The following WDR7 variants were observed in gnomAD, a reference collection of about 807,000 sequenced individuals.
The protein encoded by WDR7 is WD repeat domain 7, also known as WD repeat-containing protein 7.
WDR7 carries 46 observed loss-of-function variants against 169.4 expected under a neutral mutation model. The observed-to-expected ratio is 0.27, with a 90% CI of 0.21 to 0.35. The LOEUF (loss-of-function observed/expected upper bound fraction) is 0.35. Ranked by LOEUF, WDR7 falls within the 10% of genes least tolerant of loss-of-function variation. The pLI is 1.00. For synonymous variants in WDR7, 612 were observed against 666.8 expected (o/e 0.92, Z 1.27); for missense variants, 1,534 against 1,859.3 (o/e 0.83, Z 3.22).
At chr18:56,874,578 TAATC>T (rs1026153928) in intron 20 of WDR7, among the ~76,000 whole-genome samples, 1 of 152,130 alleles carries the variant, frequency 6.6e-6, no homozygotes, top group African/African-American at 2.4e-5. Context: ...GCATCATTAT[TAATC>T]AACCTGCATG....
chr18:56,718,261 T>C, intron 13 of WDR7, 102 bp downstream of exon 13: 1 of 1,220,718 alleles, frequency 8.2e-7, no homozygotes, highest in Non-Finnish European at 1.1e-6. Flanking sequence ...GCTTGAAATG[T>C]AAAATAGTTG....
At chr18:57,002,997 TAA>T (rs1297449549) in intron 26 of WDR7, among the ~76,000 whole-genome samples, 1 of 152,190 alleles carries the variant, frequency 6.6e-6, no homozygotes, top group Non-Finnish European at 1.5e-5. Flanking sequence ...TGCCTGACTT[TAA>T]AAAATCAGTT....
chr18:56,822,383 T>C (rs7234348), intron 20 of WDR7, among the ~76,000 whole-genome samples: 23,357 of 152,164 alleles, frequency 0.15, 2,576 homozygotes, highest in African/African-American at 0.32. Context: ...CTGAAAAAGA[T>C]GTCTAGTCTG....
intron 14 of WDR7, among the ~76,000 whole-genome samples, chr18:56,743,414 A>G (rs2043649351): frequency 6.6e-6 from 1 of 152,166 alleles, no homozygotes. Flanking sequence ...GAAACGATTT[A>G]GAGAAGGAGT....
At chr18:56,964,993 T>G (rs1365192001) in intron 26 of WDR7, among the ~76,000 whole-genome samples, 1 of 152,188 alleles carries the variant, frequency 6.6e-6, no homozygotes, top group Non-Finnish European at 1.5e-5. Context: ...GAAACAAGAT[T>G]CATAGTATGG....
chr18:56,939,501 T>C (rs1352022390), intron 25 of WDR7, 108 bp downstream of exon 25: 1 of 630,386 alleles, frequency 1.6e-6, no homozygotes, highest in East Asian at 3.3e-5. Context: ...AATCCAGTTA[T>C]TTATTAATGT....
chr18:56,905,799 T>C (rs1009133464), intron 21 of WDR7, among the ~76,000 whole-genome samples: 1 of 152,106 alleles, frequency 6.6e-6, no homozygotes, highest in South Asian at 2.1e-4. Context: ...TGGATTGAAA[T>C]AGGAACCTAT....
intron 2 of WDR7, among the ~76,000 whole-genome samples, chr18:56,674,113 C>T (rs888037318): frequency 2.0e-5 from 3 of 152,074 alleles, no homozygotes; most frequent in Non-Finnish European, 4.4e-5. Flanking sequence ...TTTGTGTGGA[C>T]ACATGATTTC....
chr18:56,696,376 G>T lies in WDR7; in HGVS notation c.1492G>T (p.Asp498Tyr). ...GGVDFSVIIWDIFSGEMKHIF... is the reference protein window; with the variant it reads ...GGVDFSVIIWYIFSGEMKHIF... ...TGTGGATTTTTCAGTCATAATTTGGGACATATTTTCTGGAGAAATGAAACA... is the reference window on the plus strand; with the variant it reads ...TGTGGATTTTTCAGTCATAATTTGGTACATATTTTCTGGAGAAATGAAACA... Residue 498 changes from aspartate (D) to tyrosine (Y), a missense_variant, in exon 12 of 28, where the codon GAC becomes TAC. By Grantham distance (160) the Asp-to-Tyr change is radical. Coordinates refer to ENST00000254442, the MANE Select transcript of WDR7 (RefSeq NM_015285.3). The T allele has an allele frequency of 1.2e-6, 2 of 1,614,064 alleles. No homozygotes were observed. Among genetic ancestry groups the T allele is most frequent in the Non-Finnish European group, 1.7e-6 (2 of 1,180,006 alleles).
At chr18:57,021,627 G>A (rs2048293730) in intron 27 of WDR7, among the ~76,000 whole-genome samples, 2 of 152,188 alleles carry the variant, frequency 1.3e-5, no homozygotes, top group Middle Eastern at 3.4e-3. Context: ...ACTAATTTTG[G>A]CAATAGAATA....
At position 56,679,396 on chromosome 18, in the gene WDR7, C is replaced by T; in HGVS notation, c.224C>T (p.Ala75Val). The stretch of plus-strand genomic sequence containing the variant: ...ATCACTTGTTTGTCTAAAGCTTGTG[C>T]TTCCAGTGACAAACAGTATATTGTG... ...ASITCLSKACASSDKQYIVSA... is the reference protein window; with the variant it reads ...ASITCLSKACVSSDKQYIVSA... Residue 75 changes from alanine to valine, a missense_variant, in exon 3 of 28, where the codon GCT (alanine) becomes GTT (valine). Transcript: ENST00000254442. The T allele has an allele frequency of 1.2e-6, 2 of 1,612,208 alleles. No individual in the cohort carries two copies. Among genetic ancestry groups the T allele is most frequent in the South Asian group, 1.1e-5 (1 of 90,976 alleles).
At chr18:56,909,724 T>C (rs1280996595) in intron 21 of WDR7, among the ~76,000 whole-genome samples, 2 of 152,306 alleles carry the variant, frequency 1.3e-5, no homozygotes, top group African/African-American at 4.8e-5. Context: ...TACAGTATTC[T>C]TTCACCTTTT....
At chr18:57,007,220 C>T (rs2048073593) in intron 26 of WDR7, among the ~76,000 whole-genome samples, 1 of 152,178 alleles carries the variant, frequency 6.6e-6, no homozygotes, top group South Asian at 2.1e-4. Flanking sequence ...ACCTCGTGAT[C>T]CACCCGCCTT....
At chr18:56,776,530 TACA>T (rs1356315208) in intron 16 of WDR7, among the ~76,000 whole-genome samples, 1 of 152,170 alleles carries the variant, frequency 6.6e-6, no homozygotes, top group Non-Finnish European at 1.5e-5. Flanking sequence ...CATTAGTCAA[TACA>T]TTCATCAGAA....
In WDR7 at chr18:57,020,831, C is replaced by T. The variant is rs752764647; in HGVS notation, c.4251C>T (p.Ser1417=). The change falls in exon 27 of 28, where the codon AGC becomes AGT. Residue 1417 remains serine, a synonymous_variant. Transcript: ENST00000254442. ...RYLATYSNTD[S]HISFWQMNTS... ...TTGCCACCTACTCAAACACTGACAGCCACATTTCTTTTTGGCAGGTAAGAG... is the reference window on the plus strand; with the variant it reads ...TTGCCACCTACTCAAACACTGACAGTCACATTTCTTTTTGGCAGGTAAGAG... 6.2e-7 allele frequency: 1 copy of T among 1,614,060 alleles called. No individual in the cohort carries two copies. The highest frequency in any genetic ancestry group is 8.5e-7 in the Non-Finnish European group (1 of 1,180,022).
chr18:56,833,659 A>G (rs762757394), intron 20 of WDR7, among the ~76,000 whole-genome samples: 2 of 152,174 alleles, frequency 1.3e-5, no homozygotes, highest in Non-Finnish European at 2.9e-5. Context: ...TTCATGTGCC[A>G]TATAAAAATC....
At chr18:56,975,121 A>AGC (rs2047547437) in intron 26 of WDR7, among the ~76,000 whole-genome samples, 1 of 152,102 alleles carries the variant, frequency 6.6e-6, no homozygotes. Context: ...GTCTAATCCC[A>AGC]GCTACTCAGG....
chr18:56,818,635 G>T (rs567348374), intron 20 of WDR7, among the ~76,000 whole-genome samples: 1 of 152,140 alleles, frequency 6.6e-6, no homozygotes, highest in Non-Finnish European at 1.5e-5. Flanking sequence ...TGTGTGACTC[G>T]ATTAAGCTAT....
chr18:56,691,635 C>A, intron 8 of WDR7, 80 bp from the exon 9 acceptor site: 1 of 1,220,010 alleles, frequency 8.2e-7, no homozygotes, highest in Non-Finnish European at 1.1e-6. Flanking sequence ...TTGTCCAATA[C>A]CAACAAACCT....
Sources: allele counts gnomAD v4.1 joint callset (sites outside exome capture counted in the v4.1 genomes callset), GRCh38; gene constraint gnomAD v4.1.1; transcripts MANE v1.5; gene names NCBI Gene and HGNC (gene_info 2026-07-23, HGNC 2026-07-21).